Variants in AOPEP observed in about 807,000 individuals in gnomAD.
AOPEP encodes aminopeptidase O (putative), also known as aminopeptidase O.
A neutral mutation model predicts 98.1 loss-of-function variants in AOPEP; 77 were observed. That is an observed-to-expected ratio of 0.78 (90% CI 0.65 to 0.95). The LOEUF (loss-of-function observed/expected upper bound fraction) is 0.95, where lower values mean the gene tolerates loss of function less well. Ranked by LOEUF, AOPEP falls within the 40% of genes least tolerant of loss-of-function variation. The probability of loss-of-function intolerance (pLI) is 0.00; values close to 1 mark genes in which losing one functional copy is unlikely to be tolerated. For synonymous variants in AOPEP, 346 were observed against 365.3 expected (o/e 0.95, Z 0.60); for missense variants, 1,024 against 1,024.7 (o/e 1.00, Z 0.01).
intron 10 of AOPEP, among the ~76,000 whole-genome samples, chr9:94,978,724 TACTGA>T (rs2059999133): frequency 1.3e-5 from 2 of 152,158 alleles, no homozygotes. Context: ...ATCCTAAATA[TACTGA>T]AGACTTAGTG....
chr9:95,104,248 G>C, the AOPEP span, among the ~76,000 whole-genome samples: 1,601 of 152,344 alleles, frequency 0.011, 16 homozygotes, highest in Non-Finnish European at 0.019. Context: ...TGTCAATAAA[G>C]ATGGTTTCAA....
chr9:95,122,059 C>T, the AOPEP span, among the ~76,000 whole-genome samples: 2 of 151,930 alleles, frequency 1.3e-5, no homozygotes, highest in South Asian at 4.2e-4. Context: ...AGGGTTTCAC[C>T]GTGTTAGCCA....
intron 13 of AOPEP, among the ~76,000 whole-genome samples, chr9:95,011,445 G>T (rs1239801296): frequency 2.0e-5 from 3 of 151,922 alleles, no homozygotes; most frequent in African/African-American, 7.3e-5. Flanking sequence ...CTCGTGATCC[G>T]CCCACCTCGG....
At chr9:94,913,206 T>G (rs1002453555) in intron 5 of AOPEP, among the ~76,000 whole-genome samples, 1 of 152,224 alleles carries the variant, frequency 6.6e-6, no homozygotes, top group Non-Finnish European at 1.5e-5. Flanking sequence ...AGATATCCAA[T>G]AAACCTGATG....
intron 10 of AOPEP, among the ~76,000 whole-genome samples, chr9:94,968,484 C>T (rs1343394474): frequency 3.9e-5 from 6 of 152,094 alleles, no homozygotes; most frequent in Admixed American, 2.6e-4. Flanking sequence ...TCAGGTGATC[C>T]GCCCGCCTCA....
rs150812918 is a variant in AOPEP, at chr9:95,082,711, T to C, written c.2456T>C (p.Phe819Ser). The change falls in exon 16 of 17, where the codon TTT becomes TCT. Residue 819 changes from phenylalanine (F) to serine (S), a missense_variant. Coordinates refer to ENST00000375315, the MANE Select transcript of AOPEP (RefSeq NM_001193329.3). ...GCCCAGGTGGTGGCCGAAATGTTAT[T>C]TTAACGAGGTGATTCTCTCCCTTTC... ...SSAQVVAEML[F>S] 1.5e-4 allele frequency: 239 copies of C among 1,614,042 alleles called. No homozygotes were observed. The Middle Eastern group carries it at 1.6e-3, about 11-fold the overall frequency.
intron 5 of AOPEP, among the ~76,000 whole-genome samples, chr9:94,904,975 A>AT (rs1564356402): frequency 6.6e-6 from 1 of 152,210 alleles, no homozygotes; most frequent in Non-Finnish European, 1.5e-5. Flanking sequence ...CATTTAACAA[A>AT]TTAGTATGTT....
rs1311387532 is a variant in AOPEP at position 95,032,638 on chromosome 9, C to G, written c.2115+27022C>G. Among the ~76,000 whole-genome samples the G allele has an allele frequency of 3.3e-5, 5 of 152,312 alleles. No homozygotes were observed. The East Asian group carries it at 5.8e-4, about 18-fold the overall frequency. On this transcript the variant is annotated intron_variant, in intron 13 of 16. Transcript: ENST00000375315. ...CTCCCAGGCTACTCTGCTCTAGGCA[C>G]AAAACCTCACTTTGGAATACTTCAC...
intron 11 of AOPEP, among the ~76,000 whole-genome samples, chr9:94,989,410 T>C (rs2060737855): frequency 6.6e-6 from 1 of 151,944 alleles, no homozygotes; most frequent in Non-Finnish European, 1.5e-5. Context: ...CTAATTTTTG[T>C]ATTTTTAGTA....
At chr9:95,071,847 T>C (rs1001638474) in intron 14 of AOPEP, among the ~76,000 whole-genome samples, 1 of 152,224 alleles carries the variant, frequency 6.6e-6, no homozygotes, top group East Asian at 1.9e-4. Context: ...TGCCCCTTTT[T>C]AATGAGTCTG....
chr9:94,855,476 G>T (rs2135290093), intron 5 of AOPEP, among the ~76,000 whole-genome samples: 1 of 152,076 alleles, frequency 6.6e-6, no homozygotes, highest in South Asian at 2.1e-4. Flanking sequence ...ATCACCTGAG[G>T]TCGGGAGTTC....
intron 16 of AOPEP, among the ~76,000 whole-genome samples, chr9:95,084,528 CTTTCG>C (rs1490057681): frequency 1.3e-5 from 2 of 152,262 alleles, no homozygotes; most frequent in African/African-American, 4.8e-5. Flanking sequence ...TGGTGTTTCT[CTTTCG>C]TTTTGTTATT....
intron 1 of AOPEP, among the ~76,000 whole-genome samples, chr9:94,755,449 G>T (rs1266836691): frequency 6.6e-6 from 1 of 152,150 alleles, no homozygotes; most frequent in African/African-American, 2.4e-5. Context: ...GGTCATCCAT[G>T]AATCTAAGAC....
At position 94,737,134 on chromosome 9, in the gene AOPEP, C is replaced by CT. The variant is rs1303574827; in HGVS notation, c.-136+10392dup. Among the ~76,000 whole-genome samples the CT allele has an allele frequency of 7.4e-3, 1,113 of 150,530 alleles. 11 individuals carry two copies. The highest frequency in any genetic ancestry group is 0.022 in the African/African-American group (912 of 41,048). ...AGATTTTTTTTAATGTTTCTTTCTT[C>CT]TTTTTTTTTCTGTTAGACAGAGTCT... On this transcript the variant is annotated intron_variant, in intron 1 of 16. Coordinates refer to ENST00000375315, the MANE Select transcript of AOPEP (RefSeq NM_001193329.3).
intron 13 of AOPEP, among the ~76,000 whole-genome samples, chr9:95,057,743 T>C (rs1371573328): frequency 6.6e-6 from 1 of 152,202 alleles, no homozygotes; most frequent in Non-Finnish European, 1.5e-5. Flanking sequence ...GAAACTACAT[T>C]TCCCCCCATG....
chr9:94,992,513 G>A (rs372538257), intron 11 of AOPEP, among the ~76,000 whole-genome samples: 2 of 152,194 alleles, frequency 1.3e-5, no homozygotes, highest in Admixed American at 6.5e-5. Context: ...GAGGAAAGTC[G>A]GTTTGTTATG....
At chr9:94,993,871 G>T (rs1267319627) in intron 11 of AOPEP, among the ~76,000 whole-genome samples, 1 of 152,180 alleles carries the variant, frequency 6.6e-6, no homozygotes, top group Non-Finnish European at 1.5e-5. Flanking sequence ...TTGGGACTCA[G>T]ACTCCAGGGC....
intron 7 of AOPEP, chr9:94,933,339 G>A (rs2137151911): frequency 2.0e-6 from 2 of 985,482 alleles, no homozygotes; most frequent in African/African-American, 1.7e-5. Context: ...GAAGAGCTAA[G>A]GTGGCAGGGT....
intron 13 of AOPEP, among the ~76,000 whole-genome samples, chr9:95,034,099 T>G (rs2133416663): frequency 6.6e-6 from 1 of 152,370 alleles, no homozygotes; most frequent in East Asian, 1.9e-4. Context: ...ATTAGAGGTT[T>G]GGTTCTGAGT....
Sources: allele counts gnomAD v4.1 joint callset (sites outside exome capture counted in the v4.1 genomes callset), GRCh38; gene constraint gnomAD v4.1.1; transcripts MANE v1.5; gene names NCBI Gene and HGNC (gene_info 2026-07-23, HGNC 2026-07-21).